Variants in ACP3 observed in about 807,000 individuals in gnomAD.
ACP3 encodes acid phosphatase 3.
A neutral mutation model predicts 45.6 loss-of-function variants in ACP3; 38 were observed. The ratio of observed to expected loss-of-function variants is 0.83; its 90% CI spans 0.64 to 1.09. The LOEUF (loss-of-function observed/expected upper bound fraction) is 1.09, where lower values mean the gene tolerates loss of function less well. Among genes scored for constraint, ACP3 ranks in the 50% least tolerant of loss-of-function variants. The pLI is 0.00. For synonymous variants in ACP3, 162 were observed against 164.7 expected, an observed-to-expected ratio of 0.98 and a Z score of 0.13; for missense variants, 466 against 463.2, an observed-to-expected ratio of 1.01 and a Z score of -0.05.
rs144444214 is a variant in ACP3 at position 132,323,825 on chromosome 3, A to G, written c.121-4442A>G. ...TAATTTATGCAAAGAGCAATAGAAC[A>G]TGATATAATATCTAAGAGTGATGAG... On this transcript the variant is annotated intron_variant, in intron 1 of 9. Transcript: ENST00000336375. Among the ~76,000 whole-genome samples the G allele has an allele frequency of 8.1e-3, 1,237 of 152,360 alleles. 24 individuals are homozygous for G. Among genetic ancestry groups the G allele is most frequent in the African/African-American group, 0.028 (1,170 of 41,580 alleles).
chr3:132,338,799 T>G (rs1937521362), intron 5 of ACP3, among the ~76,000 whole-genome samples: 1 of 151,556 alleles, frequency 6.6e-6, no homozygotes, highest in East Asian at 1.9e-4. Context: ...AGTACTTTTC[T>G]TCTTGTGATG....
At chr3:132,347,235 G>T (rs571355793) in intron 7 of ACP3, among the ~76,000 whole-genome samples, 1 of 152,164 alleles carries the variant, frequency 6.6e-6, no homozygotes. Context: ...TTGTTAAGCA[G>T]GAAAATTTCT....
chr3:132,344,261 G>A (rs1274397761), intron 6 of ACP3, among the ~76,000 whole-genome samples: 1 of 140,742 alleles, frequency 7.1e-6, no homozygotes, highest in Non-Finnish European at 1.5e-5. Flanking sequence ...CTGGATGACA[G>A]AGCAAGATTC....
At chr3:132,358,926 T>C, downstream of ACP3, 6 of 949,724 alleles carry the variant, frequency 6.3e-6, no homozygotes, top group Non-Finnish European at 7.5e-6. Flanking sequence ...CTGGCTTAAA[T>C]GAACATTTTA....
In ACP3 at chr3:132,357,116, G is replaced by T; in HGVS notation, c.*238G>T. On this transcript the variant is annotated 3_prime_UTR_variant, in exon 10 of 10. Transcript: ENST00000336375. Reference sequence around the variant, plus strand: ...TTTTCAGCGTTAATGTAAAGGGGCAGCAGTGCCAAAATATAATCAGAGATA... The same window carrying T: ...TTTTCAGCGTTAATGTAAAGGGGCATCAGTGCCAAAATATAATCAGAGATA... 8.1e-7 allele frequency: 1 copy of T among 1,234,318 alleles called. No individual in the cohort carries two copies. Among genetic ancestry groups the T allele is most frequent in the South Asian group, 2.3e-5 (1 of 42,852 alleles). The allele number at this position is 1,234,318 out of a possible 1,614,324, so 76.5% of individuals were successfully genotyped here.
Position 132,366,072 on chromosome 3 carries a change from A to C in ACP3, c.1139-1632A>C, listed in dbSNP as rs538486317. 3.5e-3 allele frequency among the ~76,000 whole-genome samples: 526 copies of C among 152,188 alleles called. 5 individuals carry two copies. The highest frequency in any genetic ancestry group is 0.012 in the African/African-American group (502 of 41,526). ...TCCCAGGACTTTAGGAGGCTGAGGC[A>C]GATGGATCATTTGAGCTTAAGAGTT... On this transcript the variant is annotated intron_variant, in intron 10 of 10. Coordinates refer to the ACP3 transcript ENST00000351273.
chr3:132,331,727 T>C lies in ACP3; in HGVS notation c.297T>C (p.His99=). 2 of 1,602,564 alleles carry C rather than the reference T, an allele frequency of 1.2e-6. No homozygotes were observed. The highest frequency in any genetic ancestry group is 1.7e-6 in the Non-Finnish European group (2 of 1,176,366). Residue 99 remains histidine (H), a synonymous_variant, in exon 3 of 10, where the codon CAT becomes CAC. Transcript: ENST00000336375. ...AATTCTTGAATGAGTCCTATAAACA[T>C]GAACAGGCAAGTTGGGGAGCCAAGA... is the stretch of plus-strand genomic sequence containing the variant. ...YRKFLNESYK[H]EQVYIRSTDV...
chr3:132,343,715 A>G (rs956261887), intron 6 of ACP3, among the ~76,000 whole-genome samples: 1 of 151,850 alleles, frequency 6.6e-6, no homozygotes, highest in African/African-American at 2.4e-5. Context: ...CTCCTAATCA[A>G]CTCTTCCTAA....
chr3:132,325,771 A>T (rs1937288640), intron 1 of ACP3, among the ~76,000 whole-genome samples: 1 of 152,198 alleles, frequency 6.6e-6, no homozygotes, highest in Non-Finnish European at 1.5e-5. Context: ...CTGGAGTTGG[A>T]GGCACAGCCT....
At chr3:132,360,315 GA>G (rs35028722), downstream of ACP3, among the ~76,000 whole-genome samples, 302 of 131,566 alleles carry the variant, frequency 2.3e-3, 3 homozygotes, top group Middle Eastern at 8.3e-3. Flanking sequence ...TAATTCATTG[GA>G]AAAAAAAAAA....
Position 132,332,291 on chromosome 3 carries a change from A to G in ACP3, c.403A>G (p.Ile135Val), listed in dbSNP as rs1937414514. 5.6e-6 allele frequency: 9 copies of G among 1,613,866 alleles called. No homozygotes were observed. The highest frequency in any genetic ancestry group is 5.9e-6 in the Non-Finnish European group (7 of 1,179,974). ...PPEGVSIWNP[I>V]LLWQPIPVHT... Reference sequence around the variant, plus strand: ...AGAAGGTGTCAGCATCTGGAATCCTATCCTACTCTGGCAGCCCATCCCGGT... The same window carrying G: ...AGAAGGTGTCAGCATCTGGAATCCTGTCCTACTCTGGCAGCCCATCCCGGT... The change falls in exon 4 of 10, where the codon ATC becomes GTC. Residue 135 changes from isoleucine to valine, a missense_variant. Coordinates refer to ENST00000336375, the MANE Select transcript of ACP3 (RefSeq NM_001099.5).
intron 2 of ACP3, 148 bp downstream of exon 2, chr3:132,328,510 C>G (rs545774965): frequency 1.5e-5 from 8 of 530,160 alleles, no homozygotes; most frequent in Non-Finnish European, 2.4e-5. Context: ...GAAACCCTCT[C>G]TCTACTAAAA....
At chr3:132,345,203 A>G (rs1369947753) in intron 7 of ACP3, 144 bp downstream of exon 7, 6 of 694,522 alleles carry the variant, frequency 8.6e-6, no homozygotes, top group Admixed American at 8.5e-5. Flanking sequence ...CAAAATGGGG[A>G]TATTAATGAT....
chr3:132,324,624 G>C (rs929652072), intron 1 of ACP3, among the ~76,000 whole-genome samples: 1 of 151,038 alleles, frequency 6.6e-6, no homozygotes, highest in Non-Finnish European at 1.5e-5. Context: ...GCAAATGTAA[G>C]GAATTATTAT....
chr3:132,336,043 G>A (rs59949456), intron 4 of ACP3, among the ~76,000 whole-genome samples: 8,095 of 152,204 alleles, frequency 0.053, 283 homozygotes, highest in Middle Eastern at 0.16. Context: ...GGTGGATCAC[G>A]AGGTCAGGAG....
intron 5 of ACP3, among the ~76,000 whole-genome samples, chr3:132,340,661 A>AT (rs945888853): frequency 1.3e-5 from 2 of 151,998 alleles, no homozygotes; most frequent in Admixed American, 6.6e-5. Context: ...TGAATAGTTC[A>AT]TTTTTTTCCT....
chr3:132,327,959 T>C (rs1937328586), intron 1 of ACP3, among the ~76,000 whole-genome samples: 2 of 152,202 alleles, frequency 1.3e-5, no homozygotes, highest in South Asian at 4.1e-4. Flanking sequence ...TAATGGCTGA[T>C]CATCTTGATT....
chr3:132,361,673 C>G (rs1938042876), downstream of ACP3, among the ~76,000 whole-genome samples: 1 of 152,176 alleles, frequency 6.6e-6, no homozygotes, highest in South Asian at 2.1e-4. Flanking sequence ...GCAGGAAGGC[C>G]TGTTTGTCCC....
At chr3:132,321,953 G>A (rs796100115) in intron 1 of ACP3, among the ~76,000 whole-genome samples, 6 of 152,232 alleles carry the variant, frequency 3.9e-5, no homozygotes, top group African/African-American at 1.4e-4. Flanking sequence ...GTATTATACT[G>A]ATGGCTTTAC....
Sources: allele counts gnomAD v4.1 joint callset (sites outside exome capture counted in the v4.1 genomes callset), GRCh38; gene constraint gnomAD v4.1.1; transcripts MANE v1.5; gene names NCBI Gene and HGNC (gene_info 2026-07-23, HGNC 2026-07-21).